SNTG1: variants seen among roughly 807,000 people sequenced by gnomAD.
SNTG1 encodes the protein gamma-1-syntrophin.
A neutral mutation model predicts 74.7 loss-of-function variants in SNTG1; 39 were observed. The ratio of observed to expected loss-of-function variants is 0.52; its 90% CI spans 0.40 to 0.68. The LOEUF (loss-of-function observed/expected upper bound fraction) is 0.68. Among genes scored for constraint, SNTG1 ranks in the 30% least tolerant of loss-of-function variants. The pLI, the probability that SNTG1 is intolerant of heterozygous loss-of-function variation, is 0.00. For missense variants in SNTG1, 685 were observed against 609.5 expected (o/e 1.12, Z -1.30); for synonymous variants, 254 against 217.1 (o/e 1.17, Z -1.49).
At chr8:50,385,238 A>C (rs2092555723) in intron 2 of SNTG1, among the ~76,000 whole-genome samples, 1 of 152,186 alleles carries the variant, frequency 6.6e-6, no homozygotes, top group South Asian at 2.1e-4. Flanking sequence ...TGAAATCAGC[A>C]GCTTTTTGAG....
At chr8:50,639,078 C>A (rs1407535910) in intron 13 of SNTG1, among the ~76,000 whole-genome samples, 1 of 151,854 alleles carries the variant, frequency 6.6e-6, no homozygotes, top group East Asian at 1.9e-4. Flanking sequence ...CTTGTTCTAA[C>A]TACAACCTGA....
intron 13 of SNTG1, among the ~76,000 whole-genome samples, chr8:50,650,993 G>A (rs546926898): frequency 2.0e-4 from 31 of 152,170 alleles, no homozygotes; most frequent in African/African-American, 7.0e-4. Flanking sequence ...GAGCCACTGC[G>A]CCTGGCCTCT....
intron 2 of SNTG1, among the ~76,000 whole-genome samples, chr8:50,177,453 A>G (rs998144875): frequency 2.0e-5 from 3 of 152,154 alleles, no homozygotes; most frequent in Non-Finnish European, 4.4e-5. Context: ...TCCTGGATGC[A>G]AAAGCCAATC....
intron 15 of SNTG1, among the ~76,000 whole-genome samples, chr8:50,698,757 C>T (rs1402285370): frequency 6.6e-6 from 1 of 152,154 alleles, no homozygotes; most frequent in African/African-American, 2.4e-5. Flanking sequence ...AGAGCAGGTA[C>T]TTCTTACAGT....
chr8:50,564,984 G>T (rs1024443390), intron 12 of SNTG1, among the ~76,000 whole-genome samples: 4 of 152,006 alleles, frequency 2.6e-5, no homozygotes, highest in Non-Finnish European at 5.9e-5. Context: ...CAGCTGGGTG[G>T]TTAACGTCAA....
At chr8:50,609,742 A>G (rs1225553771) in intron 13 of SNTG1, among the ~76,000 whole-genome samples, 2 of 152,056 alleles carry the variant, frequency 1.3e-5, no homozygotes, top group African/African-American at 4.8e-5. Context: ...TGCCTTTCAG[A>G]TTGGATAATT....
intron 2 of SNTG1, among the ~76,000 whole-genome samples, chr8:50,191,650 G>T (rs767012543): frequency 1.3e-5 from 2 of 152,078 alleles, no homozygotes; most frequent in African/African-American, 2.4e-5. Context: ...ATGCTGGTTT[G>T]CTGAACCTGT....
chr8:50,135,727 T>G (rs2081451433), intron 1 of SNTG1, among the ~76,000 whole-genome samples: 1 of 152,226 alleles, frequency 6.6e-6, no homozygotes, highest in African/African-American at 2.4e-5. Context: ...CCTTGTTATC[T>G]CTCAGTTTAT....
At chr8:50,686,241 A>G in intron 15 of SNTG1, among the ~76,000 whole-genome samples, 1 of 152,194 alleles carries the variant, frequency 6.6e-6, no homozygotes, top group East Asian at 1.9e-4. Flanking sequence ...TCTTAACGAG[A>G]TAAAAGGAGT....
At chr8:50,171,208 G>A (rs1257745513) in intron 1 of SNTG1, among the ~76,000 whole-genome samples, 1 of 152,028 alleles carries the variant, frequency 6.6e-6, no homozygotes, top group Non-Finnish European at 1.5e-5. Context: ...GGACTAATAG[G>A]AAATATACAT....
intron 15 of SNTG1, among the ~76,000 whole-genome samples, chr8:50,661,347 A>C (rs2095222205): frequency 6.6e-6 from 1 of 152,186 alleles, no homozygotes; most frequent in Non-Finnish European, 1.5e-5. Flanking sequence ...CCCATGTGGA[A>C]AAATATTTTA....
At chr8:50,214,494 C>T (rs4873133) in intron 2 of SNTG1, among the ~76,000 whole-genome samples, 65,456 of 151,822 alleles carry the variant, frequency 0.43, 17,852 homozygotes, top group African/African-American at 0.78. Context: ...GTAAAATAGT[C>T]AGAAAACCAC....
chr8:50,510,607 T>C (rs2094061242), intron 9 of SNTG1, among the ~76,000 whole-genome samples: 2 of 152,220 alleles, frequency 1.3e-5, no homozygotes, highest in South Asian at 4.1e-4. Context: ...GTTTTTGGTC[T>C]ATTAAGAGAT....
At chr8:50,575,688 A>C (rs1183413623) in intron 12 of SNTG1, 2 of 152,264 alleles carry the variant, frequency 1.3e-5, no homozygotes, top group African/African-American at 2.4e-5. Context: ...CAGGGTCGGC[A>C]GTGGAACAGT....
intron 4 of SNTG1, among the ~76,000 whole-genome samples, chr8:50,406,727 A>C (rs1587503588): frequency 6.6e-6 from 1 of 152,088 alleles, no homozygotes; most frequent in Non-Finnish European, 1.5e-5. Flanking sequence ...CTGAGTATTG[A>C]GGCAGTTTTG....
chr8:50,601,553 C>G (rs888295536), intron 13 of SNTG1, among the ~76,000 whole-genome samples: 2 of 152,118 alleles, frequency 1.3e-5, no homozygotes, highest in African/African-American at 4.8e-5. Context: ...ATGGTATCTC[C>G]TTTAGAATAA....
chr8:50,253,603 G>A (rs771497679), intron 2 of SNTG1, among the ~76,000 whole-genome samples: 1 of 144,634 alleles, frequency 6.9e-6, no homozygotes, highest in Admixed American at 6.9e-5. Context: ...TGGATGAATG[G>A]AGAAAGAAAA....
chr8:50,320,161 AC>A (rs2090469948), intron 2 of SNTG1, among the ~76,000 whole-genome samples: 1 of 151,998 alleles, frequency 6.6e-6, no homozygotes, highest in African/African-American at 2.4e-5. Flanking sequence ...TTACTGGGAG[AC>A]TTTTTATTAA....
chr8:50,271,790 A>T (rs2087793341), intron 2 of SNTG1, among the ~76,000 whole-genome samples: 1 of 152,182 alleles, frequency 6.6e-6, no homozygotes, highest in Non-Finnish European at 1.5e-5. Context: ...GACATAAAAT[A>T]TACATACCTG....
Sources: allele counts gnomAD v4.1 joint callset (sites outside exome capture counted in the v4.1 genomes callset), GRCh38; gene constraint gnomAD v4.1.1; transcripts MANE v1.5; gene names NCBI Gene and HGNC (gene_info 2026-07-23, HGNC 2026-07-21).